Variants in REV3L observed in about 807,000 individuals in gnomAD.
The protein encoded by REV3L is DNA polymerase zeta catalytic subunit.
A neutral mutation model predicts 299.4 loss-of-function variants in REV3L; 69 were observed. The observed-to-expected ratio is 0.23, with a 90% CI of 0.19 to 0.28. The LOEUF (loss-of-function observed/expected upper bound fraction) is 0.28, where lower values mean the gene tolerates loss of function less well. Ranked by LOEUF, REV3L falls within the 10% of genes least tolerant of loss-of-function variation. The pLI is 1.00. For synonymous variants in REV3L, 1,238 were observed against 1,271.4 expected (o/e 0.97, Z 0.56); for missense variants, 3,128 against 3,693.8 (o/e 0.85, Z 3.97).
At chr6:111,304,277 T>G (rs1272589159) in intron 31 of REV3L, among the ~76,000 whole-genome samples, 1 of 149,680 alleles carries the variant, frequency 6.7e-6, no homozygotes, top group Non-Finnish European at 1.5e-5. Context: ...GGGAGACATT[T>G]AAAACATTCT....
chr6:111,460,043 T>C (rs1176792767), intron 1 of REV3L, among the ~76,000 whole-genome samples: 1 of 151,876 alleles, frequency 6.6e-6, no homozygotes, highest in African/African-American at 2.4e-5. Context: ...GTAAATGAGA[T>C]AAAGAAAATG....
rs199852063 is a variant in REV3L, at chr6:111,315,252, T to C, written c.8466+15A>G. Reference sequence around the variant, plus strand: ...TGAATTTTATATGTAATTACTAATATTACATTCCTCTTACCTTTTCAAACT... The same window carrying C: ...TGAATTTTATATGTAATTACTAATACTACATTCCTCTTACCTTTTCAAACT... On this transcript the variant is annotated intron_variant, in intron 27 of 31. Coordinates refer to ENST00000368802, the MANE Select transcript of REV3L (RefSeq NM_001372078.1). The C allele has an allele frequency of 1.1e-4, 183 of 1,591,792 alleles. No homozygotes were observed. Among genetic ancestry groups the C allele is most frequent in the Middle Eastern group, 6.6e-4 (4 of 6,022 alleles).
chr6:111,464,090 A>AAAAT lies in REV3L; in HGVS notation c.139+18656_139+18659dup, dbSNP rs551567336. Among the ~76,000 whole-genome samples the AAAAT allele has an allele frequency of 2.1e-3, 327 of 152,204 alleles. 1 individual carries two copies. The highest frequency in any genetic ancestry group is 7.4e-3 in the African/African-American group (306 of 41,522). ...GGAGGCTTGCATGCAATGTTCTGGT[A>AAAAT]AAATAAATAAATAAATAACAAAAAT... On this transcript the variant is annotated intron_variant, in intron 1 of 31. Coordinates refer to ENST00000368802, the MANE Select transcript of REV3L (RefSeq NM_001372078.1).
At chr6:111,351,072 A>G (rs1777525345) in intron 19 of REV3L, among the ~76,000 whole-genome samples, 1 of 152,124 alleles carries the variant, frequency 6.6e-6, no homozygotes, top group South Asian at 2.1e-4. Flanking sequence ...ATAAACTACA[A>G]ATAATTTTGG....
chr6:111,311,332 C>T (rs761731356), intron 28 of REV3L, 73 bp from the exon 29 acceptor site: 1 of 1,158,710 alleles, frequency 8.6e-7, no homozygotes, highest in East Asian at 2.4e-5. Context: ...ATTACACTTT[C>T]AATTATGTAA....
In REV3L at chr6:111,301,950, T is replaced by C. The variant is rs142240449; in HGVS notation, c.9253-1794A>G. ...TAGACAAGTGATTTTAAAAAAGCCA[T>C]ACCAAATGGCAACAACTACTCTGGA... On this transcript the variant is annotated intron_variant, in intron 31 of 31. Transcript: ENST00000368802. Among the ~76,000 whole-genome samples the C allele has an allele frequency of 3.9e-5, 6 of 152,304 alleles. No individual in the cohort carries two copies. In the East Asian group the frequency reaches 1.2e-3, roughly 29 times the overall value.
Position 111,367,633 on chromosome 6 carries a change from T to G in REV3L, c.6155A>C (p.Lys2052Thr), listed in dbSNP as rs767773416. 8 of 1,614,182 alleles carry G rather than the reference T, an allele frequency of 5.0e-6. No individual in the cohort carries two copies. The highest frequency in any genetic ancestry group is 6.8e-6 in the Non-Finnish European group (8 of 1,180,018). ...GAGTATACATGGACTTACATCCATT[T>G]TTGGAGGCACTACAGGTTTGTCATC... Reference protein sequence around the residue: ...NPDDKPVVPPKMDVSPCILPT... With the variant: ...NPDDKPVVPPTMDVSPCILPT... The change falls in exon 14 of 32, where the codon AAA becomes ACA. Residue 2052 changes from lysine (K) to threonine (T), a missense_variant. Coordinates refer to ENST00000368802, the MANE Select transcript of REV3L (RefSeq NM_001372078.1).
intron 1 of REV3L, among the ~76,000 whole-genome samples, chr6:111,422,593 T>TAC (rs71021840): frequency 3.1e-5 from 1 of 31,860 alleles, no homozygotes; most frequent in Non-Finnish European, 7.9e-5. Flanking sequence ...TATATATATA[T>TAC]ACACATATAT....
intron 1 of REV3L, among the ~76,000 whole-genome samples, chr6:111,454,140 A>G (rs1789891346): frequency 6.6e-6 from 1 of 150,912 alleles, no homozygotes; most frequent in African/African-American, 2.4e-5. Flanking sequence ...ACAGGGTCTC[A>G]CTATGTTGTC....
In REV3L at chr6:111,449,284, G is replaced by A. The variant is rs1260651118; in HGVS notation, c.140-32812C>T. On this transcript the variant is annotated intron_variant, in intron 1 of 31. Coordinates refer to ENST00000368802, the MANE Select transcript of REV3L (RefSeq NM_001372078.1). ...TAGCTCCCCACTTAACAGCTTCCAC[G>A]GAGCAGAGGGATAAGAAACCCAGGT... 5.3e-5 allele frequency among the ~76,000 whole-genome samples: 8 copies of A among 152,126 alleles called. No individual in the cohort carries two copies. In the East Asian group the frequency reaches 1.2e-3, roughly 22 times the overall value.
chr6:111,367,603 G>C lies in REV3L; in HGVS notation c.6185C>G (p.Thr2062Ser), dbSNP rs1297321136. ...AACATCCTCCTTGGTATGTGCTGTAGTGGGGAGTATACATGGACTTACATC... is the reference window on the plus strand; with the variant it reads ...AACATCCTCCTTGGTATGTGCTGTACTGGGGAGTATACATGGACTTACATC... ...KMDVSPCILP[T>S]TAHTKEDVDN... The change falls in exon 14 of 32, where the codon ACT (threonine) becomes AGT (serine). Residue 2062 changes from threonine (T) to serine (S), a missense_variant. By Grantham distance (58) the Thr-to-Ser change is moderately conservative (BLOSUM62 1). Coordinates refer to ENST00000368802, the MANE Select transcript of REV3L (RefSeq NM_001372078.1). The C allele has an allele frequency of 6.2e-7, 1 of 1,614,076 alleles. No homozygotes were observed. The highest frequency in any genetic ancestry group is 1.7e-5 in the Admixed American group (1 of 60,000).
At chr6:111,341,452 C>T (rs773606528) in intron 21 of REV3L, among the ~76,000 whole-genome samples, 3 of 152,154 alleles carry the variant, frequency 2.0e-5, no homozygotes, top group African/African-American at 4.8e-5. Flanking sequence ...TTGGAATATG[C>T]GATGACATGC....
chr6:111,348,288 C>T (rs900165119), intron 20 of REV3L, among the ~76,000 whole-genome samples: 2 of 152,012 alleles, frequency 1.3e-5, no homozygotes, highest in Non-Finnish European at 2.9e-5. Flanking sequence ...TGGGTAACTT[C>T]AAGGATGCAA....
At chr6:111,459,956 A>G (rs1184286703) in intron 1 of REV3L, among the ~76,000 whole-genome samples, 3 of 152,202 alleles carry the variant, frequency 2.0e-5, no homozygotes, top group Non-Finnish European at 4.4e-5. Flanking sequence ...TACCAAAAAG[A>G]CACATGCACC....
At chr6:111,338,311 C>CTTTTTTTTTTTTTTTTT (rs1776115188) in intron 21 of REV3L, among the ~76,000 whole-genome samples, 6 of 49,034 alleles carry the variant, frequency 1.2e-4, no homozygotes, top group Non-Finnish European at 2.1e-4. Flanking sequence ...AGTCTAAAGT[C>CTTTTTTTTTTTTTTTTT]CTTTTTTTTT....
At chr6:111,408,535 C>T (rs995349087) in intron 3 of REV3L, among the ~76,000 whole-genome samples, 2 of 151,914 alleles carry the variant, frequency 1.3e-5, no homozygotes, top group African/African-American at 4.8e-5. Flanking sequence ...ACCTGGGAGG[C>T]GGAAGTTGCA....
At chr6:111,313,310 C>T in intron 28 of REV3L, 42 bp downstream of exon 28, 1 of 1,567,642 alleles carries the variant, frequency 6.4e-7, no homozygotes, top group African/African-American at 1.4e-5. Flanking sequence ...ACACTTTAGC[C>T]ACTTATTTCT....
rs148917965 is a variant in REV3L, at chr6:111,363,844, C to A, written c.6879+9G>T. 4 of 1,611,578 alleles carry A rather than the reference C, an allele frequency of 2.5e-6. No homozygotes were observed. In the African/African-American group the frequency reaches 5.4e-5, roughly 22 times the overall value. On this transcript the variant is annotated intron_variant, in intron 16 of 31. Transcript: ENST00000368802. ...CACAATGTATGTGTCCTTACTGTTG[C>A]AGTTTTACCTCATGTAAAGCTTTTG...
intron 18 of REV3L, chr6:111,353,731 C>T (rs1246481266): frequency 6.6e-6 from 1 of 152,154 alleles, no homozygotes; most frequent in Non-Finnish European, 1.5e-5. Context: ...AGAAAGATCC[C>T]AGGGCACTCA....
Sources: allele counts gnomAD v4.1 joint callset (sites outside exome capture counted in the v4.1 genomes callset), GRCh38; gene constraint gnomAD v4.1.1; transcripts MANE v1.5; gene names NCBI Gene and HGNC (gene_info 2026-07-23, HGNC 2026-07-21).